Variants in ARHGEF11 observed in about 807,000 individuals in gnomAD.
ARHGEF11 encodes Rho guanine exchange factor (GEF) 11.
ARHGEF11 carries 55 observed loss-of-function variants against 193.7 expected under a neutral mutation model. The ratio of observed to expected loss-of-function variants is 0.28; its 90% CI spans 0.23 to 0.36. ARHGEF11 has a LOEUF of 0.36. Among genes scored for constraint, ARHGEF11 ranks in the 10% least tolerant of loss-of-function variants. The pLI is 1.00. For missense variants in ARHGEF11, 1,723 were observed against 2,005.6 expected, an observed-to-expected ratio of 0.86 and a Z score of 2.69; for synonymous variants, 693 against 768.0, an observed-to-expected ratio of 0.90 and a Z score of 1.62.
intron 1 of ARHGEF11, among the ~76,000 whole-genome samples, chr1:156,987,117 G>A (rs1482450733): frequency 6.6e-6 from 1 of 152,186 alleles, no homozygotes; most frequent in African/African-American, 2.4e-5. Flanking sequence ...ACTCCTTTTT[G>A]GAAAAGTGTA....
At chr1:156,991,707 C>CTTTTTTTTTT (rs1208007433) in intron 1 of ARHGEF11, among the ~76,000 whole-genome samples, 6 of 107,530 alleles carry the variant, frequency 5.6e-5, no homozygotes, top group African/African-American at 1.5e-4. Context: ...TTTTTTCAAG[C>CTTTTTTTTTT]TTATTTTTTT....
intron 2 of ARHGEF11, among the ~76,000 whole-genome samples, chr1:156,985,517 G>A (rs1433676883): frequency 2.0e-5 from 3 of 152,068 alleles, no homozygotes; most frequent in Non-Finnish European, 4.4e-5. Context: ...TCTGCCTTCT[G>A]GGTTCAAGCA....
intron 3 of ARHGEF11, among the ~76,000 whole-genome samples, chr1:156,982,841 T>A (rs1664383330): frequency 1.3e-5 from 2 of 152,214 alleles, no homozygotes; most frequent in African/African-American, 4.8e-5. Context: ...AACTATCTTT[T>A]TAGAGCTTCA....
intron 1 of ARHGEF11, among the ~76,000 whole-genome samples, chr1:157,025,205 G>T (rs1188986165): frequency 6.6e-6 from 1 of 152,212 alleles, no homozygotes; most frequent in African/African-American, 2.4e-5. Flanking sequence ...GCTGTGGGCT[G>T]TGGTGCCTTT....
At chr1:156,992,927 C>T (rs67917627) in intron 1 of ARHGEF11, among the ~76,000 whole-genome samples, 33,787 of 152,130 alleles carry the variant, frequency 0.22, 3,969 homozygotes, top group East Asian at 0.36. Flanking sequence ...AATAACATCA[C>T]GTCCTTTCCA....
At chr1:157,031,387 T>C (rs1671288490) in intron 1 of ARHGEF11, among the ~76,000 whole-genome samples, 1 of 152,200 alleles carries the variant, frequency 6.6e-6, no homozygotes, top group African/African-American at 2.4e-5. Flanking sequence ...CTATTAGCCC[T>C]GAACTAGGCT....
In ARHGEF11 at chr1:156,936,887, G is replaced by A. The variant is rs376125447; in HGVS notation, c.4559C>T (p.Ser1520Leu). The part of the protein sequence containing the change: ...EAARWTDGSL[S>L]PPAKEPLASD... ...AGCTAGGGGCTCCTTAGCGGGAGGT[G>A]AGAGGGAGCCATCTGTCCATCTAGC... Residue 1520 changes from serine (S) to leucine (L), a missense_variant, in exon 40 of 41, where the codon TCA (serine) becomes TTA (leucine). By Grantham distance (145) the Ser-to-Leu change is moderately radical. Coordinates refer to ENST00000368194, the MANE Select transcript of ARHGEF11 (RefSeq NM_198236.3). 8 of 1,614,178 alleles carry A rather than the reference G, an allele frequency of 5.0e-6. No individual in the cohort carries two copies. Among genetic ancestry groups the A allele is most frequent in the Admixed American group, 1.7e-5 (1 of 60,022 alleles).
intron 1 of ARHGEF11, among the ~76,000 whole-genome samples, chr1:156,997,618 G>T (rs1666706442): frequency 6.6e-6 from 1 of 152,072 alleles, no homozygotes; most frequent in South Asian, 2.1e-4. Context: ...GCTGACACTG[G>T]GAGTACCCTC....
intron 14 of ARHGEF11, among the ~76,000 whole-genome samples, chr1:156,961,278 A>G (rs1280618655): frequency 6.6e-6 from 1 of 152,168 alleles, no homozygotes; most frequent in Non-Finnish European, 1.5e-5. Context: ...AGCAACTCAG[A>G]CTGAGCTTCA....
chr1:157,004,381 C>A (rs992365580), intron 1 of ARHGEF11, among the ~76,000 whole-genome samples: 5 of 152,164 alleles, frequency 3.3e-5, no homozygotes, highest in Non-Finnish European at 7.3e-5. Flanking sequence ...AGGCGGAAAC[C>A]CCAAATCTCT....
chr1:156,954,775 AG>A lies in ARHGEF11; in HGVS notation c.1798+116del, dbSNP rs960809027. Reference sequence around the variant, plus strand: ...TAAGAGAAATGGAGAGAAGAAAGAAAGGGAGGGAGGAGGAACAGGATGGGAG... The same window carrying A: ...TAAGAGAAATGGAGAGAAGAAAGAAAGGAGGGAGGAGGAACAGGATGGGAG... On this transcript the variant is annotated intron_variant, in intron 21 of 40. Transcript: ENST00000368194. 5 of 879,672 alleles carry A rather than the reference AG, an allele frequency of 5.7e-6. No individual in the cohort carries two copies. The African/African-American group carries it at 8.5e-5, about 15-fold the overall frequency. The allele number at this position is 879,672 out of a possible 1,614,324, so 54.5% of individuals were successfully genotyped here. A position where few individuals can be genotyped will look rare whatever the true frequency, so the allele number is the denominator to read the frequency against.
intron 31 of ARHGEF11, 91 bp from the exon 32 acceptor site, chr1:156,944,193 G>T (rs914527398): frequency 7.5e-5 from 113 of 1,501,288 alleles, no homozygotes; most frequent in Non-Finnish European, 9.5e-5. Flanking sequence ...GGAGGCTCTA[G>T]GAAGTCCTGG....
chr1:156,944,463 T>C (rs771359246), intron 30 of ARHGEF11, 30 bp from the exon 31 acceptor site: 2 of 1,587,430 alleles, frequency 1.3e-6, no homozygotes, highest in Non-Finnish European at 1.7e-6. Flanking sequence ...CATTCATTCA[T>C]TCATTCATTC....
At chr1:156,976,806 C>T (rs1157643935) in intron 7 of ARHGEF11, among the ~76,000 whole-genome samples, 177 bp downstream of exon 7, 1 of 152,158 alleles carries the variant, frequency 6.6e-6, no homozygotes, top group Non-Finnish European at 1.5e-5. Flanking sequence ...TGAAATTCTG[C>T]TTTAACAAAT....
chr1:157,035,924 TATATATATATGAATCTATATATAGGA>T (rs1671923683), intron 1 of ARHGEF11, among the ~76,000 whole-genome samples: 2 of 88,384 alleles, frequency 2.3e-5, no homozygotes, highest in South Asian at 3.5e-4. Flanking sequence ...TATATAGGAA[TATATATATATGAATCTATATATAGGA>T]ATATATATAT....
intron 1 of ARHGEF11, among the ~76,000 whole-genome samples, chr1:157,015,486 C>G (rs1669103973): frequency 6.6e-6 from 1 of 152,226 alleles, no homozygotes; most frequent in African/African-American, 2.4e-5. Context: ...GCTGGGTTAT[C>G]TTTACCCTGC....
intron 1 of ARHGEF11, among the ~76,000 whole-genome samples, chr1:157,023,461 C>A (rs1670236387): frequency 6.6e-6 from 1 of 152,122 alleles, no homozygotes; most frequent in Non-Finnish European, 1.5e-5. Context: ...CACTGTCCAG[C>A]TATAATAAAA....
chr1:157,031,104 C>T (rs1297403164), intron 1 of ARHGEF11, among the ~76,000 whole-genome samples: 1 of 152,144 alleles, frequency 6.6e-6, no homozygotes, highest in Non-Finnish European at 1.5e-5. Context: ...ATTTTAAACA[C>T]TTGCTTGTTG....
At chr1:156,976,708 G>A (rs1663310343) in intron 7 of ARHGEF11, among the ~76,000 whole-genome samples, 1 of 152,054 alleles carries the variant, frequency 6.6e-6, no homozygotes, top group Admixed American at 6.5e-5. Context: ...CCTTGGAAAT[G>A]TCCCAGATAA....
Sources: gnomAD v4.1 joint callset for allele counts (sites outside exome capture counted in the v4.1 genomes callset) on GRCh38, gnomAD v4.1.1 for gene constraint, MANE v1.5 for transcripts, NCBI Gene and HGNC (gene_info 2026-07-23, HGNC 2026-07-21) for gene names.